ACCSL: variants seen among roughly 807,000 people sequenced by gnomAD.
ACCSL encodes the protein 1-aminocyclopropane-1-carboxylate synthase homolog (inactive) like.
In ACCSL, 55 loss-of-function variants were observed where a neutral mutation model predicts 61.7. The observed-to-expected ratio is 0.89, with a 90% CI of 0.72 to 1.12. The LOEUF is 1.12. ACCSL is among the 50% of genes most tolerant of loss of function. ACCSL has a pLI of 0.00. For missense variants in ACCSL, 632 were observed against 698.0 expected (o/e 0.91, Z 1.07); for synonymous variants, 258 against 264.3 (o/e 0.98, Z 0.23).
At chr11:44,027,277 T>C in the ACCSL span, among the ~76,000 whole-genome samples, 1 of 152,154 alleles carries the variant, frequency 6.6e-6, no homozygotes, top group Non-Finnish European at 1.5e-5. Flanking sequence ...AGGAGAGAGA[T>C]GTGGGCCTTC....
the ACCSL span, among the ~76,000 whole-genome samples, chr11:43,988,520 T>A: frequency 6.7e-6 from 1 of 149,338 alleles, no homozygotes; most frequent in Non-Finnish European, 1.5e-5. Context: ...GTGGCGTAGA[T>A]GCAGTGAGTC....
At chr11:44,027,591 C>T in the ACCSL span, among the ~76,000 whole-genome samples, 1 of 152,238 alleles carries the variant, frequency 6.6e-6, no homozygotes, top group African/African-American at 2.4e-5. Flanking sequence ...TTTTCAGCCC[C>T]ACTGAGGGTT....
chr11:43,992,458 A>G, the ACCSL span, among the ~76,000 whole-genome samples: 1 of 152,150 alleles, frequency 6.6e-6, no homozygotes, highest in African/African-American at 2.4e-5. Context: ...CCAGGTGTCC[A>G]CGCTTCCAGT....
At chr11:44,023,334 T>G in the ACCSL span, among the ~76,000 whole-genome samples, 4 of 152,188 alleles carry the variant, frequency 2.6e-5, no homozygotes, top group African/African-American at 9.6e-5. Flanking sequence ...ATTATAGGCA[T>G]GAGCCACCAC....
At chr11:44,013,540 G>A in the ACCSL span, among the ~76,000 whole-genome samples, 4 of 152,280 alleles carry the variant, frequency 2.6e-5, no homozygotes, top group East Asian at 5.8e-4. Context: ...TGATCCACCC[G>A]CCTCGGCCTC....
the ACCSL span, among the ~76,000 whole-genome samples, chr11:44,039,496 C>T: frequency 2.6e-5 from 4 of 151,352 alleles, no homozygotes; most frequent in Non-Finnish European, 2.9e-5. Flanking sequence ...ATTTTGGGGA[C>T]TCGGGGGGAA....
At chr11:44,044,959 C>T (rs1210492681), upstream of ACCSL, among the ~76,000 whole-genome samples, 1 of 152,108 alleles carries the variant, frequency 6.6e-6, no homozygotes, top group Non-Finnish European at 1.5e-5. Context: ...GCCAAGGAGA[C>T]TTGAGGAGAG....
chr11:43,945,076 G>C, the ACCSL span: 1 of 152,454 alleles, frequency 6.6e-6, no homozygotes, highest in Non-Finnish European at 1.5e-5. Flanking sequence ...GGGCCGGAGA[G>C]GGTGTTCTTC....
chr11:43,939,959 C>T, the ACCSL span, among the ~76,000 whole-genome samples: 3 of 152,012 alleles, frequency 2.0e-5, no homozygotes, highest in African/African-American at 7.3e-5. Context: ...AATCTATCAG[C>T]AAGTTCTCTC....
At chr11:44,015,104 G>T in the ACCSL span, among the ~76,000 whole-genome samples, 8 of 152,212 alleles carry the variant, frequency 5.3e-5, no homozygotes, top group African/African-American at 1.9e-4. Flanking sequence ...GATGGAGTAG[G>T]TGCTCCATAA....
chr11:44,051,862 A>G (rs769604135), intron 5 of ACCSL, 143 bp downstream of exon 5: 21 of 906,620 alleles, frequency 2.3e-5, no homozygotes, highest in Non-Finnish European at 3.5e-5. Flanking sequence ...CACACTGACT[A>G]GGTTATCTTC....
chr11:43,984,835 G>A, the ACCSL span, among the ~76,000 whole-genome samples: 9 of 152,230 alleles, frequency 5.9e-5, no homozygotes, highest in Admixed American at 1.3e-4. Context: ...GTCTAGATGC[G>A]GAGAGCAGGT....
the ACCSL span, among the ~76,000 whole-genome samples, chr11:44,000,447 A>AAT: frequency 6.6e-6 from 1 of 151,330 alleles, no homozygotes; most frequent in Non-Finnish European, 1.5e-5. Flanking sequence ...TTAAAAAAAA[A>AAT]AAGCCTGTTG....
chr11:43,924,878 C>T, the ACCSL span, among the ~76,000 whole-genome samples: 1 of 152,230 alleles, frequency 6.6e-6, no homozygotes, highest in Non-Finnish European at 1.5e-5. Flanking sequence ...TCCATGGGGC[C>T]GTTCAAATGG....
At chr11:43,995,426 C>T in the ACCSL span, 1 of 152,212 alleles carries the variant, frequency 6.6e-6, no homozygotes, top group Non-Finnish European at 1.5e-5. Flanking sequence ...CCTAGGAAGG[C>T]AGCCGTCAAC....
the ACCSL span, among the ~76,000 whole-genome samples, chr11:43,938,265 G>A: frequency 1.4e-4 from 21 of 152,224 alleles, no homozygotes; most frequent in South Asian, 4.4e-3. Context: ...AACATTGCTT[G>A]CCTGTCATTC....
At chr11:44,041,828 G>A in the ACCSL span, among the ~76,000 whole-genome samples, 2 of 152,246 alleles carry the variant, frequency 1.3e-5, no homozygotes, top group African/African-American at 2.4e-5. Context: ...GTAGGAGGCT[G>A]GCTTTTTAGC....
the ACCSL span, among the ~76,000 whole-genome samples, chr11:44,028,849 T>C: frequency 6.6e-6 from 1 of 152,266 alleles, no homozygotes; most frequent in Non-Finnish European, 1.5e-5. Context: ...AGGAATGTTT[T>C]GTAAGCCACA....
the ACCSL span, among the ~76,000 whole-genome samples, chr11:43,940,418 C>A: frequency 6.6e-6 from 1 of 151,172 alleles, no homozygotes. Context: ...TGCAGTGGCG[C>A]AATCTCGGCT....
Sources: allele counts gnomAD v4.1 joint callset (sites outside exome capture counted in the v4.1 genomes callset), GRCh38; gene constraint gnomAD v4.1.1; transcripts MANE v1.5; gene names NCBI Gene and HGNC (gene_info 2026-07-23, HGNC 2026-07-21).